Variants in OLFML1 observed in about 807,000 individuals in gnomAD.
OLFML1 encodes olfactomedin-like protein 1.
In OLFML1, 33 loss-of-function variants were observed where a neutral mutation model predicts 37.3. That is an observed-to-expected ratio of 0.88 (90% CI 0.67 to 1.18). The LOEUF (loss-of-function observed/expected upper bound fraction) is 1.18, where lower values mean the gene tolerates loss of function less well. OLFML1 is among the 50% of genes most tolerant of loss of function. The pLI, the probability that OLFML1 is intolerant of heterozygous loss-of-function variation, is 0.00. For synonymous variants in OLFML1, 186 were observed against 181.3 expected (o/e 1.03, Z -0.21); for missense variants, 545 against 483.7 (o/e 1.13, Z -1.19).
intron 2 of OLFML1, among the ~76,000 whole-genome samples, chr11:7,491,664 A>G (rs73407313): frequency 0.056 from 6,592 of 118,588 alleles, 210 homozygotes; most frequent in African/African-American, 0.12. Flanking sequence ...TGCCTATATC[A>G]GTTCTCATGC....
At chr11:7,493,961 G>A (rs1409039373) in intron 2 of OLFML1, among the ~76,000 whole-genome samples, 1 of 152,242 alleles carries the variant, frequency 6.6e-6, no homozygotes, top group African/African-American at 2.4e-5. Context: ...AATCTGGAAT[G>A]ATGATGGCTC....
chr11:7,510,013 A>C lies in OLFML1; in HGVS notation c.1034A>C (p.Tyr345Ser). The change falls in exon 3 of 3, where the codon TAT (tyrosine) becomes TCT (serine). Residue 345 changes from tyrosine to serine, a missense_variant. Transcript: ENST00000329293. The part of the protein sequence containing the change: ...GQGPHRITCI[Y>S]DPLGTISEED... The stretch of plus-strand genomic sequence containing the variant: ...GGCCCTCATCGCATCACCTGCATCT[A>C]TGATCCACTGGGCACTATCAGTGAG... The C allele has an allele frequency of 6.2e-7, 1 of 1,614,240 alleles. No homozygotes were observed. Among genetic ancestry groups the C allele is most frequent in the Non-Finnish European group, 8.5e-7 (1 of 1,180,044 alleles).
At chr11:7,487,240 T>C (rs928848933) in intron 1 of OLFML1, among the ~76,000 whole-genome samples, 2 of 152,176 alleles carry the variant, frequency 1.3e-5, no homozygotes, top group African/African-American at 4.8e-5. Flanking sequence ...AAGTCGCAGG[T>C]GGCAGTCACT....
chr11:7,503,000 G>C (rs147567445), intron 2 of OLFML1, among the ~76,000 whole-genome samples: 1,662 of 152,320 alleles, frequency 0.011, 28 homozygotes, highest in African/African-American at 0.036. Flanking sequence ...TAAGAAACTT[G>C]GTTTATGGAT....
chr11:7,490,002 CTG>C (rs1251613024), intron 2 of OLFML1, among the ~76,000 whole-genome samples: 2 of 151,928 alleles, frequency 1.3e-5, no homozygotes, highest in East Asian at 3.9e-4. Flanking sequence ...ATGTTCAATG[CTG>C]TGTCTCCAGT....
intron 2 of OLFML1, among the ~76,000 whole-genome samples, chr11:7,497,483 GA>G (rs1282919929): frequency 1.3e-5 from 2 of 152,168 alleles, no homozygotes; most frequent in African/African-American, 4.8e-5. Context: ...GGAGGCACTG[GA>G]AGGAAGTTGT....
In OLFML1 at chr11:7,485,518, C is replaced by T. The variant is rs540779333; in HGVS notation, c.-358C>T. ...ACGGGGGGAAGCCATCTTCACCCCCCACCCCAATGCACACACAATTAAGCC... is the reference window on the plus strand; with the variant it reads ...ACGGGGGGAAGCCATCTTCACCCCCTACCCCAATGCACACACAATTAAGCC... On this transcript the variant is annotated 5_prime_UTR_variant, in exon 1 of 3. Coordinates refer to ENST00000329293, the MANE Select transcript of OLFML1 (RefSeq NM_198474.4). 6.2e-5 allele frequency: 12 copies of T among 192,274 alleles called. No homozygotes were observed. In the East Asian group the frequency reaches 1.5e-3, roughly 23 times the overall value. The allele number at this position is 192,274 out of a possible 1,614,324, so 11.9% of individuals were successfully genotyped here.
At chr11:7,490,757 T>G (rs1044384777) in intron 2 of OLFML1, among the ~76,000 whole-genome samples, 13 of 152,200 alleles carry the variant, frequency 8.5e-5, no homozygotes, top group Admixed American at 5.2e-4. Context: ...TGCCTCCCAC[T>G]ACTGGATGGG....
chr11:7,497,615 T>A (rs926303964), intron 2 of OLFML1, among the ~76,000 whole-genome samples: 10 of 152,180 alleles, frequency 6.6e-5, no homozygotes, highest in Admixed American at 1.3e-4. Flanking sequence ...CTCAACTTGA[T>A]GTCTTTGGGC....
chr11:7,505,525 A>T (rs1390048829), intron 2 of OLFML1, among the ~76,000 whole-genome samples: 1 of 152,202 alleles, frequency 6.6e-6, no homozygotes, highest in Non-Finnish European at 1.5e-5. Flanking sequence ...CTGACAAGGC[A>T]GTCCCAACAA....
intron 2 of OLFML1, among the ~76,000 whole-genome samples, chr11:7,501,098 A>T (rs150827237): frequency 6.6e-6 from 1 of 152,262 alleles, no homozygotes; most frequent in East Asian, 1.9e-4. Context: ...GGTCACTCAC[A>T]GGCTTAAACC....
In OLFML1 at chr11:7,510,369, G is replaced by A. The variant is rs538198697; in HGVS notation, c.*181G>A. On this transcript the variant is annotated 3_prime_UTR_variant, in exon 3 of 3. Coordinates refer to ENST00000329293, the MANE Select transcript of OLFML1 (RefSeq NM_198474.4). Reference sequence around the variant, plus strand: ...GCCTTAGGTATCTTCCAAGAGCTTAGATGAGAGCATATCATCAGGAAAGTT... The same window carrying A: ...GCCTTAGGTATCTTCCAAGAGCTTAAATGAGAGCATATCATCAGGAAAGTT... 3 of 588,942 alleles carry A rather than the reference G, an allele frequency of 5.1e-6. No individual in the cohort carries two copies. Among genetic ancestry groups the A allele is most frequent in the Non-Finnish European group, 8.9e-6 (3 of 337,612 alleles). The allele number at this position is 588,942 out of a possible 1,614,324, so 36.5% of individuals were successfully genotyped here. A position where few individuals can be genotyped will look rare whatever the true frequency, so the allele number is the denominator to read the frequency against.
At chr11:7,502,601 CTTTTTT>C (rs892781255) in intron 2 of OLFML1, among the ~76,000 whole-genome samples, 1 of 150,684 alleles carries the variant, frequency 6.6e-6, no homozygotes, top group African/African-American at 2.4e-5. Context: ...TTTTCTTTTT[CTTTTTT>C]TTGCTTTTTT....
rs144162071 is a variant in OLFML1 at position 7,501,445 on chromosome 11, T to C, written c.419-7953T>C. ...ACAGGAAAGCAACCCCTCAGGCTGATGAAGCATGTCAGCAGGGGAGCATGG... is the reference window on the plus strand; with the variant it reads ...ACAGGAAAGCAACCCCTCAGGCTGACGAAGCATGTCAGCAGGGGAGCATGG... On this transcript the variant is annotated intron_variant, in intron 2 of 2. Coordinates refer to ENST00000329293, the MANE Select transcript of OLFML1 (RefSeq NM_198474.4). Among the ~76,000 whole-genome samples the C allele has an allele frequency of 1.1e-4, 17 of 152,318 alleles. No homozygotes were observed. The East Asian group carries it at 3.1e-3, about 28-fold the overall frequency.
Position 7,488,136 on chromosome 11 carries a change from GA to G in OLFML1, c.144del (p.Lys48AsnfsTer43). On this transcript the variant is annotated frameshift_variant, in exon 2 of 3. Transcript: ENST00000329293. LOFTEE classifies it high-confidence loss of function. ...QRFRVLEQGLEKCTQATRAYI... is the reference protein window; with the variant it reads ...QRFRVLEQGLXKCTQATRAYI... ...TATTTTCTGACTGAAGCAAGGGCTG[GA>G]AAAATGTACCCAAGCAACGAGGGCA... The G allele has an allele frequency of 1.9e-6, 3 of 1,601,754 alleles. No individual in the cohort carries two copies. Among genetic ancestry groups the G allele is most frequent in the Non-Finnish European group, 2.6e-6 (3 of 1,171,576 alleles).
At chr11:7,490,504 C>T (rs995748137) in intron 2 of OLFML1, among the ~76,000 whole-genome samples, 2 of 152,136 alleles carry the variant, frequency 1.3e-5, no homozygotes, top group Admixed American at 1.3e-4. Flanking sequence ...CTCAGCCCAC[C>T]AGGTGTTGAG....
At chr11:7,507,972 C>T (rs1848805116) in intron 2 of OLFML1, among the ~76,000 whole-genome samples, 1 of 152,178 alleles carries the variant, frequency 6.6e-6, no homozygotes, top group South Asian at 2.1e-4. Flanking sequence ...TTCTTATTTA[C>T]AAATCCAGAC....
In OLFML1 at chr11:7,485,745, G is replaced by A. The variant is rs1241179848; in HGVS notation, c.-131G>A. On this transcript the variant is annotated 5_prime_UTR_variant, in exon 1 of 3. Coordinates refer to ENST00000329293, the MANE Select transcript of OLFML1 (RefSeq NM_198474.4). The stretch of plus-strand genomic sequence containing the variant: ...GAATAACAAGCGGACTTTGCTCTCT[G>A]CTGTGCAAAACGCTGTTTTTAGAGG... 1.1e-6 allele frequency: 1 copy of A among 914,410 alleles called. No individual in the cohort carries two copies. The allele number at this position is 914,410 out of a possible 1,614,324, so 56.6% of individuals were successfully genotyped here.
At position 7,509,730 on chromosome 11, in the gene OLFML1, C is replaced by T. The variant is rs752224653; in HGVS notation, c.751C>T (p.Leu251=). The change falls in exon 3 of 3, where the codon CTG becomes TTG. Residue 251 remains leucine (L), a synonymous_variant. Coordinates refer to ENST00000329293, the MANE Select transcript of OLFML1 (RefSeq NM_198474.4). ...GAAGAGGACTGTGGAAGATCGAATG[C>T]TGCTCCCAGGAGGGGTAGGCCGAGC... ...LQKRTVEDRM[L]LPGGVGRALV... 3.1e-6 allele frequency: 5 copies of T among 1,614,068 alleles called. No homozygotes were observed. The Admixed American group carries it at 5.0e-5, about 16-fold the overall frequency.
Sources: gnomAD v4.1 joint callset for allele counts (sites outside exome capture counted in the v4.1 genomes callset) on GRCh38, gnomAD v4.1.1 for gene constraint, MANE v1.5 for transcripts, NCBI Gene and HGNC (gene_info 2026-07-23, HGNC 2026-07-21) for gene names.